Variants in MAST4 observed in about 807,000 individuals in gnomAD.
MAST4 encodes the protein microtubule-associated serine/threonine-protein kinase 4.
MAST4 carries 89 observed loss-of-function variants against 162.7 expected under a neutral mutation model. The observed-to-expected ratio is 0.55, with a 90% CI of 0.46 to 0.65. The LOEUF (loss-of-function observed/expected upper bound fraction) is 0.65, where lower values mean the gene tolerates loss of function less well. MAST4 is among the 30% of genes least tolerant of loss of function. MAST4 has a pLI of 0.00. For missense variants in MAST4, 3,153 were observed against 3,374.0 expected, an observed-to-expected ratio of 0.93 and a Z score of 1.62; for synonymous variants, 1,479 against 1,361.1, an observed-to-expected ratio of 1.09 and a Z score of -1.91.
chr5:66,618,128 C>T (rs16895330), intron 1 of MAST4, among the ~76,000 whole-genome samples: 1 of 152,178 alleles, frequency 6.6e-6, no homozygotes, highest in African/African-American at 2.4e-5. Flanking sequence ...GCCTCCCGCC[C>T]GTTGGCTTGT....
chr5:67,027,510 A>T lies in MAST4; in HGVS notation c.675-26894A>T, dbSNP rs1754809501. Among the ~76,000 whole-genome samples, 7 of 152,330 alleles carry T rather than the reference A, an allele frequency of 4.6e-5. No individual in the cohort carries two copies. In the South Asian group the frequency reaches 1.4e-3, roughly 32 times the overall value. ...TCTTAGACATGGTTCCTGAATGCACAGTTGATTCTAACCATAGAACTGCAT... is the reference window on the plus strand; with the variant it reads ...TCTTAGACATGGTTCCTGAATGCACTGTTGATTCTAACCATAGAACTGCAT... On this transcript the variant is annotated intron_variant, in intron 4 of 28. Transcript: ENST00000403625.
chr5:66,647,975 C>G (rs780343170), intron 1 of MAST4, among the ~76,000 whole-genome samples: 6 of 150,298 alleles, frequency 4.0e-5, no homozygotes, highest in Non-Finnish European at 5.9e-5. Flanking sequence ...TGCTCTACAA[C>G]TTGAGGGAAA....
At chr5:67,083,304 G>A (rs1228583858) in intron 5 of MAST4, among the ~76,000 whole-genome samples, 1 of 152,140 alleles carries the variant, frequency 6.6e-6, no homozygotes, top group African/African-American at 2.4e-5. Flanking sequence ...CTTCCAGATG[G>A]AATTCATGTC....
At chr5:67,033,227 A>G (rs111505923) in intron 4 of MAST4, among the ~76,000 whole-genome samples, 1 of 151,726 alleles carries the variant, frequency 6.6e-6, no homozygotes, top group East Asian at 1.9e-4. Context: ...CACTTTTTAA[A>G]AAGTGGCAGC....
At chr5:67,005,766 A>G (rs773847163) in intron 4 of MAST4, among the ~76,000 whole-genome samples, 15 of 152,364 alleles carry the variant, frequency 9.8e-5, no homozygotes, top group South Asian at 4.1e-4. Context: ...TTGAGAGACT[A>G]TGACTTTGAA....
intron 3 of MAST4, among the ~76,000 whole-genome samples, chr5:66,803,622 TTAAAAA>T (rs1031895380): frequency 4.6e-5 from 7 of 152,202 alleles, no homozygotes; most frequent in Non-Finnish European, 8.8e-5. Flanking sequence ...TTAATATCCT[TTAAAAA>T]TAAACATTTC....
chr5:66,628,478 G>A (rs1164855189), intron 1 of MAST4, among the ~76,000 whole-genome samples: 6 of 151,634 alleles, frequency 4.0e-5, no homozygotes, highest in South Asian at 2.1e-4. Flanking sequence ...TTCATCTAAC[G>A]CACTCAGGCT....
chr5:66,923,711 G>A (rs1764696785), intron 4 of MAST4, among the ~76,000 whole-genome samples: 1 of 152,040 alleles, frequency 6.6e-6, no homozygotes, highest in African/African-American at 2.4e-5. Context: ...TTGCTTTTTG[G>A]TTGCTGCTCT....
Position 67,165,479 on chromosome 5 carries a change from G to A in MAST4, c.6300G>A (p.Glu2100=), listed in dbSNP as rs780578092. 3 of 1,613,966 alleles carry A rather than the reference G, an allele frequency of 1.9e-6. No individual in the cohort carries two copies. The Admixed American group carries it at 5.0e-5, about 27-fold the overall frequency. Reference sequence around the variant, plus strand: ...TGCAGCCACCTGGAATTGAGAGTGAGAAGAGTGAAAAGCTCTCCAGTTTCC... The same window carrying A: ...TGCAGCCACCTGGAATTGAGAGTGAAAAGAGTGAAAAGCTCTCCAGTTTCC... ...RSLQPPGIES[E]KSEKLSSFPS... Residue 2100 remains glutamate, a synonymous_variant, in exon 29 of 29, where the codon GAG becomes GAA. Coordinates refer to ENST00000403625, the MANE Select transcript of MAST4 (RefSeq NM_001164664.2).
intron 5 of MAST4, among the ~76,000 whole-genome samples, chr5:67,079,668 A>C (rs1172334331): frequency 6.6e-6 from 1 of 152,234 alleles, no homozygotes; most frequent in African/African-American, 2.4e-5. Context: ...ATAAAAATTA[A>C]AACATGTAAA....
chr5:66,776,179 G>A (rs1418640587), intron 2 of MAST4, among the ~76,000 whole-genome samples: 1 of 152,116 alleles, frequency 6.6e-6, no homozygotes, highest in Non-Finnish European at 1.5e-5. Context: ...CACCTCTATG[G>A]CAGCTTTTGT....
At chr5:67,052,276 A>G (rs1709065917) in intron 4 of MAST4, among the ~76,000 whole-genome samples, 1 of 152,168 alleles carries the variant, frequency 6.6e-6, no homozygotes, top group Admixed American at 6.5e-5. Context: ...TGCACCCAGG[A>G]TGACTGTAAT....
chr5:66,679,870 A>G (rs1414834015), intron 1 of MAST4, among the ~76,000 whole-genome samples: 1 of 151,950 alleles, frequency 6.6e-6, no homozygotes, highest in African/African-American at 2.4e-5. Context: ...GGTGGAATTC[A>G]TCGTCCTTCA....
chr5:67,041,024 C>A (rs1756676206), intron 4 of MAST4, among the ~76,000 whole-genome samples: 1 of 152,170 alleles, frequency 6.6e-6, no homozygotes, highest in African/African-American at 2.4e-5. Flanking sequence ...GAAAATTAAA[C>A]CATTGCTTGG....
At chr5:66,827,557 A>C (rs570831222) in intron 3 of MAST4, among the ~76,000 whole-genome samples, 1 of 152,374 alleles carries the variant, frequency 6.6e-6, no homozygotes, top group South Asian at 2.1e-4. Flanking sequence ...GACAGACAGA[A>C]AGAGATGGAA....
At chr5:67,076,402 T>C (rs1262243660) in intron 5 of MAST4, among the ~76,000 whole-genome samples, 3 of 151,990 alleles carry the variant, frequency 2.0e-5, no homozygotes, top group African/African-American at 7.3e-5. Flanking sequence ...TGTGTCTGTT[T>C]ACTAATAGTC....
At chr5:66,947,729 G>A (rs1744202431) in intron 4 of MAST4, among the ~76,000 whole-genome samples, 1 of 152,096 alleles carries the variant, frequency 6.6e-6, no homozygotes, top group Non-Finnish European at 1.5e-5. Flanking sequence ...GGCAAAACCT[G>A]GTTGGGTAGT....
chr5:66,613,327 T>TC (rs1012266243), intron 1 of MAST4, among the ~76,000 whole-genome samples: 1 of 151,910 alleles, frequency 6.6e-6, no homozygotes, highest in African/African-American at 2.4e-5. Flanking sequence ...TAACCCTTTT[T>TC]TTTTTTTTTG....
intron 3 of MAST4, among the ~76,000 whole-genome samples, chr5:66,888,176 C>G (rs930701199): frequency 3.2e-4 from 49 of 152,216 alleles, no homozygotes; most frequent in African/African-American, 1.2e-3. Context: ...TCTGTGACCT[C>G]TTTACAATAA....
Sources: gnomAD v4.1 joint callset for allele counts (sites outside exome capture counted in the v4.1 genomes callset) on GRCh38, gnomAD v4.1.1 for gene constraint, MANE v1.5 for transcripts, NCBI Gene and HGNC (gene_info 2026-07-23, HGNC 2026-07-21) for gene names.